CNGB1: variants seen among roughly 807,000 people sequenced by gnomAD.
CNGB1 encodes cyclic nucleotide-gated channel beta-1.
CNGB1 carries 126 observed loss-of-function variants against 151.7 expected under a neutral mutation model. The observed-to-expected ratio is 0.83, with a 90% CI of 0.72 to 0.96. The LOEUF is 0.96. Ranked by LOEUF, CNGB1 falls within the 40% of genes least tolerant of loss-of-function variation. The pLI, the probability that CNGB1 is intolerant of heterozygous loss-of-function variation, is 0.00. For missense variants in CNGB1, 1,698 were observed against 1,627.0 expected, an observed-to-expected ratio of 1.04 and a Z score of -0.75; for synonymous variants, 623 against 635.1, an observed-to-expected ratio of 0.98 and a Z score of 0.29.
At chr16:57,896,193 A>T (rs1396922678) in intron 31 of CNGB1, among the ~76,000 whole-genome samples, 4 of 152,228 alleles carry the variant, frequency 2.6e-5, no homozygotes, top group African/African-American at 9.6e-5. Flanking sequence ...CCCACTAATT[A>T]CTTAGGAATT....
intron 14 of CNGB1, among the ~76,000 whole-genome samples, chr16:57,943,892 AT>A (rs1278572397): frequency 1.7e-3 from 248 of 147,424 alleles, no homozygotes; most frequent in African/African-American, 2.3e-3. Flanking sequence ...TGCAGCATTA[AT>A]TTTTTTTTTT....
chr16:57,915,897 CAAAA>C (rs36093437), intron 22 of CNGB1, among the ~76,000 whole-genome samples: 3 of 103,272 alleles, frequency 2.9e-5, no homozygotes, highest in African/African-American at 3.3e-5. Context: ...GACCCTGTCT[CAAAA>C]AAAAAAAAAA....
intron 18 of CNGB1, among the ~76,000 whole-genome samples, chr16:57,922,431 C>T (rs28420662): frequency 0.1 from 14,139 of 135,830 alleles, 2,488 homozygotes; most frequent in African/African-American, 0.38. Context: ...TTCTTTCTTT[C>T]TTTTTTTTTT....
intron 14 of CNGB1, among the ~76,000 whole-genome samples, chr16:57,942,175 C>T (rs1312150098): frequency 6.6e-6 from 1 of 152,174 alleles, no homozygotes; most frequent in Non-Finnish European, 1.5e-5. Context: ...ACCCACCACG[C>T]CTGGCCCACT....
chr16:57,947,155 T>G (rs1174592794), intron 14 of CNGB1, among the ~76,000 whole-genome samples: 1 of 151,732 alleles, frequency 6.6e-6, no homozygotes, highest in Non-Finnish European at 1.5e-5. Context: ...ATGGGTATAG[T>G]GCAGATATGT....
intron 12 of CNGB1, among the ~76,000 whole-genome samples, chr16:57,952,305 T>C (rs1300928133): frequency 1.3e-5 from 2 of 152,134 alleles, no homozygotes; most frequent in African/African-American, 2.4e-5. Flanking sequence ...ACTCCCGTTT[T>C]CCCAGTGCAC....
chr16:57,922,699 G>A (rs1230062466), intron 18 of CNGB1, among the ~76,000 whole-genome samples: 3 of 151,954 alleles, frequency 2.0e-5, no homozygotes, highest in African/African-American at 7.3e-5. Flanking sequence ...AAAGTGCTGG[G>A]ATTACAGGCA....
At chr16:57,968,548 A>T (rs1403796611) in intron 1 of CNGB1, among the ~76,000 whole-genome samples, 2 of 152,210 alleles carry the variant, frequency 1.3e-5, no homozygotes, top group African/African-American at 2.4e-5. Flanking sequence ...AGTGACTGGC[A>T]CATGCCGAGG....
At chr16:57,909,114 C>T (rs1013116505) in intron 25 of CNGB1, among the ~76,000 whole-genome samples, 9 of 152,138 alleles carry the variant, frequency 5.9e-5, no homozygotes, top group African/African-American at 1.9e-4. Flanking sequence ...CCAAAAAATA[C>T]AAAATTAGCT....
At chr16:57,962,649 G>A (rs536094841) in intron 6 of CNGB1, 39 bp from the exon 7 acceptor site, 2 of 1,609,538 alleles carry the variant, frequency 1.2e-6, no homozygotes, top group African/African-American at 1.3e-5. Context: ...GTCAGCAGCG[G>A]GAGACCTGCC....
chr16:57,939,342 AG>A, intron 16 of CNGB1, 87 bp downstream of exon 16: 2 of 1,572,268 alleles, frequency 1.3e-6, no homozygotes, highest in Non-Finnish European at 1.7e-6. Context: ...GGAGAGGAGG[AG>A]GGGTTGCCCC....
chr16:57,934,547 C>T (rs1245324455), intron 16 of CNGB1, among the ~76,000 whole-genome samples: 1 of 152,210 alleles, frequency 6.6e-6, no homozygotes, highest in African/African-American at 2.4e-5. Context: ...TAGATCAGCC[C>T]CCTGTGTCAA....
In CNGB1 at chr16:57,893,654, C is replaced by T. The variant is rs535052883; in HGVS notation, c.3242+3743G>A. ...CTCTACTTAAAATACAAAAATTAGC[C>T]GGGTGTGGTGGCATGTGCCTGCAGT... On this transcript the variant is annotated intron_variant, in intron 31 of 32. Coordinates refer to ENST00000251102, the MANE Select transcript of CNGB1 (RefSeq NM_001297.5). Among the ~76,000 whole-genome samples the T allele has an allele frequency of 2.6e-3, 389 of 152,060 alleles. 2 individuals are homozygous for T. Among genetic ancestry groups the T allele is most frequent in the Non-Finnish European group, 4.0e-3 (274 of 68,000 alleles).
chr16:57,918,241 C>G (rs1469560294), intron 20 of CNGB1, among the ~76,000 whole-genome samples: 1 of 152,044 alleles, frequency 6.6e-6, no homozygotes, highest in East Asian at 1.9e-4. Flanking sequence ...TCTCACAGTG[C>G]TGGGATTACA....
intron 16 of CNGB1, among the ~76,000 whole-genome samples, chr16:57,937,945 A>T (rs1439768487): frequency 6.6e-6 from 1 of 152,218 alleles, no homozygotes; most frequent in Non-Finnish European, 1.5e-5. Flanking sequence ...GTCAGGTTTG[A>T]GGACCAGGGC....
rs1325771451 is a variant in CNGB1, at chr16:57,883,084, C to G, written c.*1080G>C. 6.6e-6 allele frequency: 1 copy of G among 152,208 alleles called. No individual in the cohort carries two copies. The highest frequency in any genetic ancestry group is 1.5e-5 in the Non-Finnish European group (1 of 68,046). 9.4% of individuals were successfully genotyped at this position (152,208 alleles called of 1,614,324 possible). ...GCCAGTAAGTCCATTTCCCTTCTAT[C>G]TGTTCTGAGATAATGGCATTGCATT... On this transcript the variant is annotated 3_prime_UTR_variant, in exon 33 of 33. Coordinates refer to ENST00000251102, the MANE Select transcript of CNGB1 (RefSeq NM_001297.5).
At chr16:57,918,038 CATGGATGGATGGATGGATGGATGGATGG>C (rs71155216) in intron 20 of CNGB1, among the ~76,000 whole-genome samples, 11 of 149,860 alleles carry the variant, frequency 7.3e-5, no homozygotes, top group Admixed American at 4.6e-4. Context: ...CAGGTGAATG[CATGGATGGATGGATGGATGGATGGATGG>C]ATGGATGGAT....
intron 12 of CNGB1, among the ~76,000 whole-genome samples, chr16:57,956,421 C>T (rs1172830001): frequency 2.0e-5 from 3 of 152,210 alleles, no homozygotes; most frequent in Non-Finnish European, 4.4e-5. Flanking sequence ...TAACGCCCCC[C>T]ACGCCTCTCC....
At chr16:57,890,147 T>C (rs1028539864) in intron 31 of CNGB1, among the ~76,000 whole-genome samples, 6 of 152,260 alleles carry the variant, frequency 3.9e-5, no homozygotes, top group African/African-American at 1.4e-4. Flanking sequence ...CCAGCGGGCC[T>C]AGACAATGAA....
Sources: gnomAD v4.1 joint callset for allele counts (sites outside exome capture counted in the v4.1 genomes callset) on GRCh38, gnomAD v4.1.1 for gene constraint, MANE v1.5 for transcripts, NCBI Gene and HGNC (gene_info 2026-07-23, HGNC 2026-07-21) for gene names.